The following SLC15A2 variants were observed in gnomAD, a reference collection of about 807,000 sequenced individuals.
SLC15A2 encodes solute carrier family 15 member 2, also known as kidney H(+)/peptide cotransporter.
SLC15A2 carries 77 observed loss-of-function variants against 95.5 expected under a neutral mutation model. The ratio of observed to expected loss-of-function variants is 0.81; its 90% CI spans 0.67 to 0.97. The LOEUF (loss-of-function observed/expected upper bound fraction) is 0.97. Among genes scored for constraint, SLC15A2 ranks in the 50% least tolerant of loss-of-function variants. The pLI is 0.00. For missense variants in SLC15A2, 893 were observed against 874.4 expected, an observed-to-expected ratio of 1.02 and a Z score of -0.27; for synonymous variants, 306 against 306.9, an observed-to-expected ratio of 1.00 and a Z score of 0.03.
intron 20 of SLC15A2, 95 bp downstream of exon 20, chr3:121,939,590 T>G: frequency 8.7e-7 from 1 of 1,145,716 alleles, no homozygotes; most frequent in Non-Finnish European, 1.2e-6. Flanking sequence ...ATGTTATCTC[T>G]TTTGGCCTTG....
chr3:121,910,306 C>T (rs1472409178), intron 3 of SLC15A2, among the ~76,000 whole-genome samples: 2 of 150,860 alleles, frequency 1.3e-5, no homozygotes, highest in African/African-American at 2.4e-5. Context: ...AAGCGATTCT[C>T]CTGCCTCAGC....
intron 3 of SLC15A2, among the ~76,000 whole-genome samples, chr3:121,906,652 A>C (rs1165497834): frequency 6.6e-6 from 1 of 152,204 alleles, no homozygotes. Flanking sequence ...TTCTGGGTTG[A>C]AAATTCTTTT....
intron 13 of SLC15A2, among the ~76,000 whole-genome samples, chr3:121,927,473 G>C (rs1710143733): frequency 6.6e-6 from 1 of 152,182 alleles, no homozygotes; most frequent in African/African-American, 2.4e-5. Flanking sequence ...GCTTGCTTCT[G>C]CTTTCACCAT....
intron 17 of SLC15A2, among the ~76,000 whole-genome samples, chr3:121,929,856 G>A (rs1019085820): frequency 6.6e-6 from 1 of 152,158 alleles, no homozygotes; most frequent in Non-Finnish European, 1.5e-5. Flanking sequence ...CAGAGATGGA[G>A]TACCCAAGAG....
chr3:121,921,909 C>T (rs1211724744), intron 7 of SLC15A2, among the ~76,000 whole-genome samples: 2 of 152,212 alleles, frequency 1.3e-5, no homozygotes, highest in African/African-American at 2.4e-5. Context: ...ATGACTTCCA[C>T]TTCTGTGATT....
chr3:121,940,134 A>T (rs1710432656), intron 20 of SLC15A2, among the ~76,000 whole-genome samples: 1 of 152,182 alleles, frequency 6.6e-6, no homozygotes, highest in South Asian at 2.1e-4. Flanking sequence ...ATGTATAAGA[A>T]TACGAATAGA....
chr3:121,904,207 T>C (rs1394265999), intron 3 of SLC15A2, among the ~76,000 whole-genome samples: 3 of 152,224 alleles, frequency 2.0e-5, no homozygotes, highest in Non-Finnish European at 2.9e-5. Context: ...TTTTGTATCC[T>C]GAGACTTTGC....
At chr3:121,920,216 C>A (rs1709977094) in intron 7 of SLC15A2, among the ~76,000 whole-genome samples, 1 of 152,202 alleles carries the variant, frequency 6.6e-6, no homozygotes, top group Admixed American at 6.5e-5. Context: ...CAGCCTCTTT[C>A]TAGGATCATT....
chr3:121,896,772 G>A (rs1023476190), intron 2 of SLC15A2, among the ~76,000 whole-genome samples: 5 of 151,644 alleles, frequency 3.3e-5, no homozygotes, highest in South Asian at 2.1e-4. Flanking sequence ...GCCTGTAGTC[G>A]CCACTACTTG....
At position 121,894,476 on chromosome 3, in the gene SLC15A2, C is replaced by T; in HGVS notation, c.-1C>T. On this transcript the variant is annotated 5_prime_UTR_variant, in exon 1 of 22. Transcript: ENST00000489711. Reference sequence around the variant, plus strand: ...GAGAGAGAGAGAGTAAGGAGCCAGCCATGAATCCTTTCCAGAAAAATGAGT... The same window carrying T: ...GAGAGAGAGAGAGTAAGGAGCCAGCTATGAATCCTTTCCAGAAAAATGAGT... The T allele has an allele frequency of 6.2e-7, 1 of 1,611,288 alleles. No homozygotes were observed. Among genetic ancestry groups the T allele is most frequent in the African/African-American group, 1.3e-5 (1 of 74,896 alleles).
At chr3:121,931,804 G>A in intron 19 of SLC15A2, 69 bp downstream of exon 19, 1 of 910,002 alleles carries the variant, frequency 1.1e-6, no homozygotes, top group Admixed American at 2.0e-5. Context: ...CCTCTAGGCA[G>A]GGGCAGAAAA....
At chr3:121,912,358 C>T (rs1404206229) in intron 4 of SLC15A2, among the ~76,000 whole-genome samples, 1 of 152,006 alleles carries the variant, frequency 6.6e-6, no homozygotes, top group Non-Finnish European at 1.5e-5. Context: ...CTCAGCCTCC[C>T]GAGTCGCTGG....
In SLC15A2 at chr3:121,941,788, A is replaced by T. The variant is rs1321020416; in HGVS notation, c.*781A>T. ...AGCCAGTCATTCTTTTACAGAGTACATTCTTCTTAGCCTCTATGGCGCTGG... is the reference window on the plus strand; with the variant it reads ...AGCCAGTCATTCTTTTACAGAGTACTTTCTTCTTAGCCTCTATGGCGCTGG... On this transcript the variant is annotated 3_prime_UTR_variant, in exon 22 of 22. Coordinates refer to ENST00000489711, the MANE Select transcript of SLC15A2 (RefSeq NM_021082.4). 3 of 152,226 alleles carry T rather than the reference A, an allele frequency of 2.0e-5. No homozygotes were observed. The highest frequency in any genetic ancestry group is 7.2e-5 in the African/African-American group (3 of 41,476). 9.4% of individuals were successfully genotyped at this position (152,226 alleles called of 1,614,324 possible). A position where few individuals can be genotyped will look rare whatever the true frequency, so the allele number is the denominator to read the frequency against.
intron 5 of SLC15A2, 146 bp from the exon 6 acceptor site, chr3:121,915,081 A>G: frequency 1.8e-6 from 2 of 1,141,100 alleles, no homozygotes; most frequent in South Asian, 1.9e-5. Flanking sequence ...GTTTTTAAAT[A>G]TCTATTAATA....
chr3:121,925,855 G>GAA (rs1013784190), intron 13 of SLC15A2, among the ~76,000 whole-genome samples: 1 of 145,452 alleles, frequency 6.9e-6, no homozygotes, highest in Non-Finnish European at 1.5e-5. Context: ...AGGTAGAAAA[G>GAA]AAAAAGTCCC....
rs772437878 is a variant in SLC15A2 at position 121,940,955 on chromosome 3, C to G, written c.2138C>G (p.Pro713Arg). ...CGGGGTCCAGCAGATAAGCACATTC[C>G]TCACATCCAGGGGAACATGATCAAA... is the stretch of plus-strand genomic sequence containing the variant. Reference protein sequence around the residue: ...DMRGPADKHIPHIQGNMIKLE... With the variant: ...DMRGPADKHIRHIQGNMIKLE... Residue 713 changes from proline to arginine, a missense_variant, in exon 22 of 22, where the codon CCT (proline) becomes CGT (arginine). Pro to Arg is a moderately radical substitution (Grantham distance 103, BLOSUM62 -2). Coordinates refer to ENST00000489711, the MANE Select transcript of SLC15A2 (RefSeq NM_021082.4). 2 of 1,614,154 alleles carry G rather than the reference C, an allele frequency of 1.2e-6. No individual in the cohort carries two copies. Among genetic ancestry groups the G allele is most frequent in the Non-Finnish European group, 1.7e-6 (2 of 1,180,014 alleles).
chr3:121,902,989 A>G (rs554529944), intron 3 of SLC15A2, among the ~76,000 whole-genome samples: 2 of 152,162 alleles, frequency 1.3e-5, no homozygotes, highest in African/African-American at 4.8e-5. Context: ...AAGTGTTCCT[A>G]TTTCTCCACA....
chr3:121,903,653 A>T (rs1709565933), intron 3 of SLC15A2, among the ~76,000 whole-genome samples: 1 of 152,108 alleles, frequency 6.6e-6, no homozygotes, highest in African/African-American at 2.4e-5. Context: ...CAAAGATCAG[A>T]TGGTTGTAGA....
At position 121,939,489 on chromosome 3, in the gene SLC15A2, T is replaced by C; in HGVS notation, c.1902T>C (p.Tyr634=). 1 of 1,500,674 alleles carries C rather than the reference T, an allele frequency of 6.7e-7. No individual in the cohort carries two copies. Among genetic ancestry groups the C allele is most frequent in the Non-Finnish European group, 8.9e-7 (1 of 1,125,268 alleles). The allele number at this position is 1,500,674 out of a possible 1,614,324, so 93.0% of individuals were successfully genotyped here. ...CTGTCACAGGTCTTGAGTTTTCTTA[T>C]TCTCAGGTAAGTTTTTGCAAATAGA... ...MFSVTGLEFS[Y]SQAPSSMKSV... The change falls in exon 20 of 22, where the codon TAT becomes TAC. Residue 634 remains tyrosine, a synonymous_variant. Coordinates refer to ENST00000489711, the MANE Select transcript of SLC15A2 (RefSeq NM_021082.4).
Sources: allele counts gnomAD v4.1 joint callset (sites outside exome capture counted in the v4.1 genomes callset), GRCh38; gene constraint gnomAD v4.1.1; transcripts MANE v1.5; gene names NCBI Gene and HGNC (gene_info 2026-07-23, HGNC 2026-07-21).